PNPLA4: variants seen among roughly 807,000 people sequenced by gnomAD.
The protein encoded by PNPLA4 is patatin-like phospholipase domain-containing protein 4.
A neutral mutation model predicts 18.3 loss-of-function variants in PNPLA4; 15 were observed. The ratio of observed to expected loss-of-function variants is 0.82; its 90% CI spans 0.55 to 1.26. PNPLA4 has a LOEUF of 1.26. Ranked by LOEUF, PNPLA4 falls within the 50% of genes most tolerant of loss-of-function variation. PNPLA4 has a pLI of 0.00. For missense variants in PNPLA4, 229 were observed against 196.8 expected (o/e 1.16, Z -0.98); for synonymous variants, 88 against 85.6 (o/e 1.03, Z -0.16).
intron 4 of PNPLA4, among the ~76,000 whole-genome samples, chrX:7,920,240 A>G (rs1422900745): frequency 2.4e-5 from 2 of 83,640 alleles, no homozygotes; most frequent in Non-Finnish European, 5.0e-5. Context: ...ATTTTATGTC[A>G]CAAGAGCACA....
chrX:7,911,933 A>G, intron 5 of PNPLA4, 95 bp downstream of exon 5: 1 of 598,673 alleles, frequency 1.7e-6, no homozygotes, highest in Non-Finnish European at 2.7e-6. Context: ...ACATAAACTG[A>G]TTTGAAGCCA....
At chrX:7,922,365 G>A (rs1252527490) in intron 2 of PNPLA4, among the ~76,000 whole-genome samples, 3 of 112,053 alleles carry the variant, frequency 2.7e-5, no homozygotes, top group African/African-American at 6.5e-5. Flanking sequence ...ATCCTTGAAG[G>A]CTCAATCTGA....
Position 7,921,829 on chromosome X carries a change from G to T in PNPLA4, c.295C>A (p.Leu99Ile). 1 of 1,205,619 alleles carries T rather than the reference G, an allele frequency of 8.3e-7. No individual in the cohort carries two copies. ...ARLRSGMESI[L>I]PPSAHELAQN... The stretch of plus-strand genomic sequence containing the variant: ...GCCAGCTCGTGAGCGCTGGGAGGAA[G>T]AATCGACTCCATCCCACTTCTAAAG... Residue 99 changes from leucine (L) to isoleucine (I), a missense_variant, in exon 4 of 7, where the codon CTT (leucine) becomes ATT (isoleucine). Transcript: ENST00000381042.
upstream of PNPLA4, chrX:7,927,465 G>A (rs2146773353): frequency 8.8e-6 from 1 of 113,648 alleles, no homozygotes; most frequent in African/African-American, 3.2e-5. Flanking sequence ...ACGTCATCGC[G>A]CCGACGAAGG....
At chrX:7,913,561 A>T (rs1158429812) in intron 4 of PNPLA4, among the ~76,000 whole-genome samples, 1 of 112,546 alleles carries the variant, frequency 8.9e-6, no homozygotes, top group Non-Finnish European at 1.9e-5. Flanking sequence ...GCAGGAAAGA[A>T]GGTAAGAAAT....
chrX:7,909,963 A>G (rs1174664144), intron 5 of PNPLA4, among the ~76,000 whole-genome samples: 1 of 111,795 alleles, frequency 8.9e-6, no homozygotes, highest in Non-Finnish European at 1.9e-5. Context: ...ATTGGAAGAG[A>G]ACCTGGAGCC....
At chrX:7,903,381 G>A (rs12860255) in intron 5 of PNPLA4, among the ~76,000 whole-genome samples, 1 of 109,969 alleles carries the variant, frequency 9.1e-6, no homozygotes, top group South Asian at 3.9e-4. Flanking sequence ...CTCACTGCAA[G>A]CTCCGCCTCC....
At chrX:7,908,279 C>T (rs1185964332) in intron 5 of PNPLA4, among the ~76,000 whole-genome samples, 1 of 111,285 alleles carries the variant, frequency 9.0e-6, no homozygotes, top group Non-Finnish European at 1.9e-5. Context: ...AACGCTAAGT[C>T]CCTTTTTCCC....
chrX:7,926,403 T>C (rs1486729612), intron 1 of PNPLA4, among the ~76,000 whole-genome samples: 1 of 112,646 alleles, frequency 8.9e-6, no homozygotes, highest in Admixed American at 9.4e-5. Context: ...ATCTACGATT[T>C]AATTACTTGG....
intron 5 of PNPLA4, among the ~76,000 whole-genome samples, chrX:7,903,079 T>C (rs1923591563): frequency 8.9e-6 from 1 of 111,953 alleles, no homozygotes; most frequent in Non-Finnish European, 1.9e-5. Context: ...AAGTCCTGTA[T>C]GCAGGAATCT....
At chrX:7,902,896 C>T (rs1218422819) in intron 5 of PNPLA4, among the ~76,000 whole-genome samples, 1 of 111,981 alleles carries the variant, frequency 8.9e-6, no homozygotes, top group Non-Finnish European at 1.9e-5. Context: ...GCTGTCTATT[C>T]CAAGGCCAAA....
chrX:7,926,173 T>A, intron 1 of PNPLA4, 41 bp from the exon 2 acceptor site: 1 of 992,631 alleles, frequency 1.0e-6, no homozygotes, highest in Non-Finnish European at 1.4e-6. Context: ...GTTGGAATAG[T>A]TTATCCCACA....
intron 2 of PNPLA4, among the ~76,000 whole-genome samples, chrX:7,922,884 G>A: frequency 8.9e-6 from 1 of 112,184 alleles, no homozygotes; most frequent in Middle Eastern, 4.7e-3. Context: ...AAGATACAAA[G>A]ACCCTGTGCT....
rs1342155000 is a variant in PNPLA4, at chrX:7,900,185, G to T, written c.*501C>A. On this transcript the variant is annotated 3_prime_UTR_variant, in exon 7 of 7. Transcript: ENST00000381042. ...TGTCTTTCTCAGCAGTGTGAAAATG[G>T]ACTAATACACAAACCTTTGTTCCTC... 3.5e-5 allele frequency: 4 copies of T among 114,492 alleles called. No homozygotes were observed. The highest frequency in any genetic ancestry group is 5.4e-5 in the Non-Finnish European group (3 of 55,311). 9.4% of individuals were successfully genotyped at this position (114,492 alleles called of 1,213,427 possible). A position where few individuals can be genotyped will look rare whatever the true frequency, so the allele number is the denominator to read the frequency against.
chrX:7,921,029 G>C (rs1388661535), intron 4 of PNPLA4, among the ~76,000 whole-genome samples: 1 of 111,976 alleles, frequency 8.9e-6, no homozygotes, highest in Admixed American at 9.5e-5. Flanking sequence ...CAGCACTTTG[G>C]GGGGCTGAGG....
In PNPLA4 at chrX:7,900,659, GT is replaced by G; in HGVS notation, c.*26del. On this transcript the variant is annotated 3_prime_UTR_variant, in exon 7 of 7. Coordinates refer to ENST00000381042, the MANE Select transcript of PNPLA4 (RefSeq NM_004650.3). ...TTCCATCAAAAACTATCTAAAACGT[GT>G]TTTGCATTATAAACTTTTATGCATT... 2.9e-6 allele frequency: 3 copies of G among 1,052,369 alleles called. No homozygotes were observed. The highest frequency in any genetic ancestry group is 3.9e-6 in the Non-Finnish European group (3 of 775,166). The allele number at this position is 1,052,369 out of a possible 1,213,427, so 86.7% of individuals were successfully genotyped here.
At chrX:7,922,279 C>T (rs772867959) in intron 2 of PNPLA4, among the ~76,000 whole-genome samples, 181 bp from the exon 3 acceptor site, 2 of 112,242 alleles carry the variant, frequency 1.8e-5, no homozygotes, top group African/African-American at 6.5e-5. Flanking sequence ...GCAAGGTATA[C>T]ACTCTCAAGA....
chrX:7,911,921 A>C, intron 5 of PNPLA4, 107 bp downstream of exon 5: 1 of 538,527 alleles, frequency 1.9e-6, no homozygotes, highest in Non-Finnish European at 3.1e-6. Context: ...AGGAGGAAAA[A>C]AACATAAACT....
rs1487331901 is a variant in PNPLA4 at position 7,898,713 on chromosome X, C to T, written c.*1973G>A. Reference sequence around the variant, plus strand: ...GTGATAAATTAATCTTTACAACAAACCCCCGTGACACAAGTTTACCTATAA... The same window carrying T: ...GTGATAAATTAATCTTTACAACAAATCCCCGTGACACAAGTTTACCTATAA... On this transcript the variant is annotated 3_prime_UTR_variant, in exon 7 of 7. Transcript: ENST00000381042. The T allele has an allele frequency of 9.0e-6, 1 of 111,688 alleles. No individual in the cohort carries two copies. Among genetic ancestry groups the T allele is most frequent in the African/African-American group, 3.3e-5 (1 of 30,671 alleles). The allele number at this position is 111,688 out of a possible 1,213,427, so 9.2% of individuals were successfully genotyped here.
Sources: allele counts gnomAD v4.1 joint callset (sites outside exome capture counted in the v4.1 genomes callset), GRCh38; gene constraint gnomAD v4.1.1; transcripts MANE v1.5; gene names NCBI Gene and HGNC (gene_info 2026-07-23, HGNC 2026-07-21).